Variants in CCDC30 observed in about 807,000 individuals in gnomAD.
CCDC30 encodes the protein coiled-coil domain containing 30.
In CCDC30, 70 loss-of-function variants were observed where a neutral mutation model predicts 100.2. That is an observed-to-expected ratio of 0.70 (90% CI 0.58 to 0.85). The LOEUF is 0.85. CCDC30 is among the 40% of genes least tolerant of loss of function. The pLI is 0.00. For missense variants in CCDC30, 652 were observed against 771.2 expected, an observed-to-expected ratio of 0.85 and a Z score of 1.83; for synonymous variants, 233 against 269.5, an observed-to-expected ratio of 0.86 and a Z score of 1.33.
chr1:42,458,710 G>C, upstream of CCDC30, among the ~76,000 whole-genome samples: 1 of 152,152 alleles, frequency 6.6e-6, no homozygotes, highest in East Asian at 1.9e-4. Flanking sequence ...TAATCTCTGG[G>C]ATCTTTAGTT....
intron 11 of CCDC30, among the ~76,000 whole-genome samples, chr1:42,628,629 T>C (rs1194845416): frequency 6.6e-6 from 1 of 152,196 alleles, no homozygotes; most frequent in Non-Finnish European, 1.5e-5. Context: ...TGATAGTGAC[T>C]AAGTCTCATG....
At chr1:42,526,844 C>T (rs1201118554) in intron 6 of CCDC30, among the ~76,000 whole-genome samples, 1 of 152,126 alleles carries the variant, frequency 6.6e-6, no homozygotes, top group Non-Finnish European at 1.5e-5. Flanking sequence ...AATGAAACTT[C>T]CCCCAAACTG....
chr1:42,486,101 A>G (rs1007382907), intron 3 of CCDC30, among the ~76,000 whole-genome samples: 43 of 152,182 alleles, frequency 2.8e-4, no homozygotes, highest in Admixed American at 2.8e-3. Context: ...ATTAAAGGCG[A>G]CCCAGAAATT....
intron 6 of CCDC30, among the ~76,000 whole-genome samples, chr1:42,543,495 A>G (rs141218161): frequency 0.015 from 2,317 of 151,436 alleles, 33 homozygotes; most frequent in Admixed American, 0.034. Context: ...TAATTTTTCT[A>G]TTTTTAGTAG....
chr1:42,510,507 A>C (rs1462384287), intron 6 of CCDC30, among the ~76,000 whole-genome samples: 1 of 152,016 alleles, frequency 6.6e-6, no homozygotes, highest in East Asian at 1.9e-4. Context: ...AAATACAATA[A>C]TTAGCTGGAT....
intron 7 of CCDC30, among the ~76,000 whole-genome samples, chr1:42,570,361 T>C (rs1645707622): frequency 6.6e-6 from 1 of 151,980 alleles, no homozygotes; most frequent in Admixed American, 6.6e-5. Flanking sequence ...AATATCACTT[T>C]TTCTTTAAAA....
intron 6 of CCDC30, among the ~76,000 whole-genome samples, chr1:42,562,122 A>C (rs190179992): frequency 6.6e-6 from 1 of 152,376 alleles, no homozygotes; most frequent in African/African-American, 2.4e-5. Context: ...TTTCATATGG[A>C]ATCAAAGAAG....
At chr1:42,563,735 G>A (rs1222919957) in intron 6 of CCDC30, among the ~76,000 whole-genome samples, 1 of 152,054 alleles carries the variant, frequency 6.6e-6, no homozygotes, top group Non-Finnish European at 1.5e-5. Flanking sequence ...ACATTAGCTG[G>A]GCATGGTGGC....
At chr1:42,538,336 GA>G (rs111385931) in intron 6 of CCDC30, among the ~76,000 whole-genome samples, 12 of 136,176 alleles carry the variant, frequency 8.8e-5, no homozygotes, top group Non-Finnish European at 1.1e-4. Context: ...TCTCAAAAAA[GA>G]AAAAAAAAAG....
chr1:42,490,641 C>T (rs892899969), intron 4 of CCDC30, among the ~76,000 whole-genome samples: 2 of 152,028 alleles, frequency 1.3e-5, no homozygotes, highest in African/African-American at 4.8e-5. Flanking sequence ...CTAATCCTCA[C>T]AACAGTCTAT....
At chr1:42,617,667 G>T (rs539647964) in intron 11 of CCDC30, among the ~76,000 whole-genome samples, 1 of 152,284 alleles carries the variant, frequency 6.6e-6, no homozygotes, top group East Asian at 1.9e-4. Flanking sequence ...GAAAGTTGAA[G>T]CTGTCCTCTT....
chr1:42,633,422 T>C (rs947417900), intron 11 of CCDC30, among the ~76,000 whole-genome samples: 5 of 152,182 alleles, frequency 3.3e-5, no homozygotes, highest in African/African-American at 1.2e-4. Flanking sequence ...GGTATGCACC[T>C]GGAAGCCCCA....
chr1:42,580,184 T>C (rs979484719), intron 8 of CCDC30, among the ~76,000 whole-genome samples: 10 of 152,196 alleles, frequency 6.6e-5, no homozygotes, highest in African/African-American at 2.2e-4. Context: ...ACTGAATTCC[T>C]TAAGTAAGAA....
chr1:42,460,637 T>C (rs1033934727), upstream of CCDC30, among the ~76,000 whole-genome samples: 1 of 152,208 alleles, frequency 6.6e-6, no homozygotes, highest in Non-Finnish European at 1.5e-5. Flanking sequence ...AGGGGCCACT[T>C]GGTGATCTCT....
intron 1 of CCDC30, among the ~76,000 whole-genome samples, chr1:42,464,972 C>T (rs1643522891): frequency 6.6e-6 from 1 of 152,186 alleles, no homozygotes; most frequent in African/African-American, 2.4e-5. Flanking sequence ...GCAGCCTTTT[C>T]AATCTTGCAC....
At chr1:42,538,482 G>T (rs1047422051) in intron 6 of CCDC30, among the ~76,000 whole-genome samples, 1 of 151,694 alleles carries the variant, frequency 6.6e-6, no homozygotes, top group Non-Finnish European at 1.5e-5. Flanking sequence ...ATAGTACCAG[G>T]TACTTGGGAG....
chr1:42,635,822 A>C (rs963353311), intron 11 of CCDC30, among the ~76,000 whole-genome samples: 2 of 151,934 alleles, frequency 1.3e-5, no homozygotes, highest in African/African-American at 4.8e-5. Flanking sequence ...AAAAAAAAAA[A>C]ATGGCAACTC....
At chr1:42,489,518 T>C (rs1006108773) in intron 3 of CCDC30, among the ~76,000 whole-genome samples, 3 of 152,216 alleles carry the variant, frequency 2.0e-5, no homozygotes, top group Admixed American at 6.5e-5. Flanking sequence ...AAGTGACCTG[T>C]TATAAAATTC....
intron 12 of CCDC30, among the ~76,000 whole-genome samples, chr1:42,639,049 G>A (rs1448820079): frequency 4.6e-5 from 7 of 152,202 alleles, no homozygotes; most frequent in African/African-American, 1.7e-4. Context: ...CTTTCAACAG[G>A]CATGCTAGCT....
Sources: allele counts gnomAD v4.1 joint callset (sites outside exome capture counted in the v4.1 genomes callset), GRCh38; gene constraint gnomAD v4.1.1; transcripts MANE v1.5; gene names NCBI Gene and HGNC (gene_info 2026-07-23, HGNC 2026-07-21).